ELOVL6: variants seen among roughly 807,000 people sequenced by gnomAD.
ELOVL6 encodes ELOVL fatty acid elongase 6.
A neutral mutation model predicts 31.7 loss-of-function variants in ELOVL6; 8 were observed. The observed-to-expected ratio is 0.25, with a 90% CI of 0.15 to 0.45. The LOEUF is 0.45. ELOVL6 is among the 20% of genes least tolerant of loss of function. The pLI, the probability that ELOVL6 is intolerant of heterozygous loss-of-function variation, is 1.00. For missense variants in ELOVL6, 126 were observed against 326.4 expected, an observed-to-expected ratio of 0.39 and a Z score of 4.73; for synonymous variants, 101 against 117.7, an observed-to-expected ratio of 0.86 and a Z score of 0.92.
Position 110,112,251 on chromosome 4 carries a change from G to T in ELOVL6, c.90-6623C>A, listed in dbSNP as rs945252832. Among the ~76,000 whole-genome samples, 9 of 152,174 alleles carry T rather than the reference G, an allele frequency of 5.9e-5. 1 individual carries two copies. The highest frequency in any genetic ancestry group is 4.1e-4 in the South Asian group (2 of 4,826). On this transcript the variant is annotated intron_variant, in intron 1 of 3. Coordinates refer to ENST00000302274, the MANE Select transcript of ELOVL6 (RefSeq NM_024090.3). ...GCAAAAGTTGAATTCCTGATCTCTCGATCAATGCACTGAAGTGTGTGTGTG... is the reference window on the plus strand; with the variant it reads ...GCAAAAGTTGAATTCCTGATCTCTCTATCAATGCACTGAAGTGTGTGTGTG...
chr4:110,077,784 C>T (rs1171173487), intron 2 of ELOVL6, among the ~76,000 whole-genome samples: 1 of 152,114 alleles, frequency 6.6e-6, no homozygotes, highest in Admixed American at 6.5e-5. Context: ...GACGATCAAA[C>T]TACTCCGAGC....
chr4:110,061,570 T>TTTTTTTTTTTTTTTTTTTC (rs1755143025), intron 2 of ELOVL6, among the ~76,000 whole-genome samples: 1 of 118,668 alleles, frequency 8.4e-6, no homozygotes, highest in African/African-American at 3.8e-5. Flanking sequence ...TTTTTTTTTT[T>TTTTTTTTTTTTTTTTTTTC]TTTTGAGACA....
chr4:110,072,919 G>T (rs1349650503), intron 2 of ELOVL6, among the ~76,000 whole-genome samples: 1 of 152,010 alleles, frequency 6.6e-6, no homozygotes, highest in Non-Finnish European at 1.5e-5. Context: ...AGAAGTCCTG[G>T]CCCCAATTTA....
chr4:110,061,548 G>GTTTTTTTTTTTTTT (rs778616602), intron 2 of ELOVL6, among the ~76,000 whole-genome samples: 1 of 85,736 alleles, frequency 1.2e-5, no homozygotes, highest in South Asian at 3.7e-4. Flanking sequence ...CCAAATGATG[G>GTTTTTTTTTTTTTT]CTTTTTTTTT....
chr4:110,190,305 G>A (rs1022696088), intron 1 of ELOVL6, among the ~76,000 whole-genome samples: 12 of 151,816 alleles, frequency 7.9e-5, no homozygotes, highest in Admixed American at 5.9e-4. Context: ...AGTTCACAGT[G>A]GGCAACTAAC....
intron 1 of ELOVL6, among the ~76,000 whole-genome samples, chr4:110,167,703 A>T (rs200887070): frequency 7.7e-5 from 8 of 104,276 alleles, no homozygotes; most frequent in African/African-American, 2.2e-4. Flanking sequence ...GTATGTATGT[A>T]TGTATGTTTG....
chr4:110,084,043 C>CATAT lies in ELOVL6; in HGVS notation c.221+21453_221+21454insATAT, dbSNP rs1395093073. 6.5e-3 allele frequency among the ~76,000 whole-genome samples: 167 copies of CATAT among 25,580 alleles called. 5 individuals carry two copies. The highest frequency in any genetic ancestry group is 0.031 in the Middle Eastern group (1 of 32). 16.8% of individuals were successfully genotyped at this position (25,580 alleles called of 152,430 possible). ...AACATATGCCATATATGGTATATAA[C>CATAT]ACATGCTATATATGATATATAACAT... On this transcript the variant is annotated intron_variant, in intron 2 of 3. Coordinates refer to ENST00000302274, the MANE Select transcript of ELOVL6 (RefSeq NM_024090.3).
At chr4:110,115,406 C>T (rs965961208) in intron 1 of ELOVL6, among the ~76,000 whole-genome samples, 7 of 151,914 alleles carry the variant, frequency 4.6e-5, no homozygotes, top group African/African-American at 1.2e-4. Flanking sequence ...GATTATCACC[C>T]GATTACCCAA....
intron 1 of ELOVL6, among the ~76,000 whole-genome samples, chr4:110,133,053 T>C (rs1757714526): frequency 6.6e-6 from 1 of 151,836 alleles, no homozygotes; most frequent in Non-Finnish European, 1.5e-5. Flanking sequence ...CGAAGGTCAA[T>C]ACAGAACCTA....
At position 110,099,246 on chromosome 4, in the gene ELOVL6, T is replaced by C. The variant is rs117179723; in HGVS notation, c.221+6251A>G. Among the ~76,000 whole-genome samples, 324 of 138,096 alleles carry C rather than the reference T, an allele frequency of 2.3e-3. 4 individuals are homozygous for C. In the East Asian group the frequency reaches 0.052, roughly 22 times the overall value. 90.6% of individuals were successfully genotyped at this position (138,096 alleles called of 152,430 possible). ...ATTTGATTAAATACCATTCATCTAC[T>C]GCTTGCACTGTTAAGACTTTTCTGA... On this transcript the variant is annotated intron_variant, in intron 2 of 3. Transcript: ENST00000302274.
chr4:110,166,359 T>A (rs1578273275), intron 1 of ELOVL6, among the ~76,000 whole-genome samples: 1 of 152,162 alleles, frequency 6.6e-6, no homozygotes, highest in Non-Finnish European at 1.5e-5. Flanking sequence ...ACGCCTGTAA[T>A]CCCAGCACTT....
chr4:110,125,970 GA>G lies in ELOVL6; in HGVS notation c.90-20343del, dbSNP rs553442981. On this transcript the variant is annotated intron_variant, in intron 1 of 3. Coordinates refer to ENST00000302274, the MANE Select transcript of ELOVL6 (RefSeq NM_024090.3). ...ATTTTAATCAGAGTGAGAGAAGGGA[GA>G]AAAAGATTGGGAGCAAGAATTAGAG... Among the ~76,000 whole-genome samples, 787 of 152,208 alleles carry G rather than the reference GA, an allele frequency of 5.2e-3. 6 individuals are homozygous for G. The highest frequency in any genetic ancestry group is 7.6e-3 in the Non-Finnish European group (517 of 68,010).
Position 110,059,643 on chromosome 4 carries a change from GA to G in ELOVL6, c.332del (p.Phe111SerfsTer8), listed in dbSNP as rs755712056. 1 of 1,614,106 alleles carries G rather than the reference GA, an allele frequency of 6.2e-7. No individual in the cohort carries two copies. Among genetic ancestry groups the G allele is most frequent in the Non-Finnish European group, 8.5e-7 (1 of 1,179,998 alleles). ...TGCTTAGCACAAATGCATAAGCCCAGAATTTGCTGACAGGTCCATTGTAAAA... is the reference window on the plus strand; with the variant it reads ...TGCTTAGCACAAATGCATAAGCCCAGATTTGCTGACAGGTCCATTGTAAAA... ...QGFYNGPVSKFWAYAFVLSKA... is the reference protein window; with the variant it reads ...QGFYNGPVSKXWAYAFVLSKA... On this transcript the variant is annotated frameshift_variant, in exon 3 of 4. Transcript: ENST00000302274. LOFTEE classifies it high-confidence loss of function.
chr4:110,178,076 T>A (rs1360258175), intron 1 of ELOVL6, among the ~76,000 whole-genome samples: 3 of 152,174 alleles, frequency 2.0e-5, no homozygotes, highest in Non-Finnish European at 4.4e-5. Flanking sequence ...AAGAGTGAGA[T>A]GCATCTCCTC....
At chr4:110,074,428 T>C (rs1276679306) in intron 2 of ELOVL6, among the ~76,000 whole-genome samples, 1 of 152,126 alleles carries the variant, frequency 6.6e-6, no homozygotes, top group East Asian at 1.9e-4. Context: ...GGTCATGAGA[T>C]TTTAATTATT....
Position 110,061,549 on chromosome 4 carries a change from C to CTTTTTTTTTTTTT in ELOVL6, c.222-1808_222-1796dup, listed in dbSNP as rs57846282. Among the ~76,000 whole-genome samples, 565 of 72,302 alleles carry CTTTTTTTTTTTTT rather than the reference C, an allele frequency of 7.8e-3. 97 individuals carry two copies. The highest frequency in any genetic ancestry group is 0.044 in the Middle Eastern group (4 of 90). The allele number at this position is 72,302 out of a possible 152,430, so 47.4% of individuals were successfully genotyped here. ...CTGTCTTTCCCTCACCAAATGATGG[C>CTTTTTTTTTTTTT]TTTTTTTTTTTTTTTTTTTTTTTTT... On this transcript the variant is annotated intron_variant, in intron 2 of 3. Transcript: ENST00000302274.
intron 2 of ELOVL6, among the ~76,000 whole-genome samples, chr4:110,098,775 T>C (rs6850449): frequency 0.31 from 46,910 of 152,076 alleles, 8,306 homozygotes; most frequent in East Asian, 0.71. Flanking sequence ...TCTGCCCTTT[T>C]GGTGTTACAT....
Position 110,084,231 on chromosome 4 carries a change from T to TATAACATATAACATATATG in ELOVL6, c.221+21265_221+21266insCATATATGTTATATGTTAT, listed in dbSNP as rs2126234781. Among the ~76,000 whole-genome samples, 2 of 124,088 alleles carry TATAACATATAACATATATG rather than the reference T, an allele frequency of 1.6e-5. 1 individual carries two copies. Among genetic ancestry groups the TATAACATATAACATATATG allele is most frequent in the African/African-American group, 6.5e-5 (2 of 30,858 alleles). The allele number at this position is 124,088 out of a possible 152,430, so 81.4% of individuals were successfully genotyped here. ...TATAACATATAACTTATATGATATA[T>TATAACATATAACATATATG]ATAACATATATGATATATATAACAT... On this transcript the variant is annotated intron_variant, in intron 2 of 3. Transcript: ENST00000302274.
intron 2 of ELOVL6, among the ~76,000 whole-genome samples, chr4:110,076,712 T>G (rs1257467850): frequency 6.6e-6 from 1 of 152,094 alleles, no homozygotes; most frequent in African/African-American, 2.4e-5. Context: ...CGGGTTCATC[T>G]CACTGGGGAG....
Sources: gnomAD v4.1 joint callset for allele counts (sites outside exome capture counted in the v4.1 genomes callset) on GRCh38, gnomAD v4.1.1 for gene constraint, MANE v1.5 for transcripts, NCBI Gene and HGNC (gene_info 2026-07-23, HGNC 2026-07-21) for gene names.